The following GXYLT1 variants were observed in gnomAD, a reference collection of about 807,000 sequenced individuals.
GXYLT1 encodes glucoside xylosyltransferase 1, also known as glycosyltransferase 8 domain containing 3.
In GXYLT1, 29 loss-of-function variants were observed where a neutral mutation model predicts 54.0. The observed-to-expected ratio is 0.54, with a 90% CI of 0.40 to 0.73. The LOEUF (loss-of-function observed/expected upper bound fraction) is 0.73, where lower values mean the gene tolerates loss of function less well. GXYLT1 is among the 30% of genes least tolerant of loss of function. The pLI, the probability that GXYLT1 is intolerant of heterozygous loss-of-function variation, is 0.00. For missense variants in GXYLT1, 490 were observed against 553.4 expected, an observed-to-expected ratio of 0.89 and a Z score of 1.15; for synonymous variants, 176 against 204.1, an observed-to-expected ratio of 0.86 and a Z score of 1.17.
intron 7 of GXYLT1, among the ~76,000 whole-genome samples, chr12:42,092,746 G>A (rs1367471012): frequency 1.3e-5 from 2 of 151,866 alleles, no homozygotes; most frequent in African/African-American, 2.4e-5. Flanking sequence ...AAAACCTGTA[G>A]CAAAAAAAAC....
At chr12:42,103,324 TAAG>T (rs1282261909) in intron 5 of GXYLT1, among the ~76,000 whole-genome samples, 25 of 152,304 alleles carry the variant, frequency 1.6e-4, no homozygotes, top group African/African-American at 6.0e-4. Flanking sequence ...CCACAAGTAG[TAAG>T]AACCAGGTGA....
intron 1 of GXYLT1, among the ~76,000 whole-genome samples, chr12:42,130,642 TATACACACATGC>T (rs371625165): frequency 1.4e-4 from 22 of 152,268 alleles, no homozygotes; most frequent in Middle Eastern, 3.4e-3. Flanking sequence ...TATACATACA[TATACACACATGC>T]ATACACACAT....
intron 1 of GXYLT1, among the ~76,000 whole-genome samples, chr12:42,139,203 TAAAAAA>T (rs376475516): frequency 2.1e-5 from 3 of 143,192 alleles, no homozygotes; most frequent in Non-Finnish European, 4.6e-5. Flanking sequence ...GTCTCAGAAA[TAAAAAA>T]AAAAAGATTT....
intron 4 of GXYLT1, among the ~76,000 whole-genome samples, chr12:42,107,464 G>GC (rs2065427850): frequency 6.6e-6 from 1 of 152,188 alleles, no homozygotes; most frequent in Non-Finnish European, 1.5e-5. Flanking sequence ...GCTGAGGCGG[G>GC]CAGATCACCT....
intron 7 of GXYLT1, among the ~76,000 whole-genome samples, chr12:42,088,658 A>G (rs1033507865): frequency 1.3e-5 from 2 of 152,226 alleles, no homozygotes; most frequent in Non-Finnish European, 2.9e-5. Flanking sequence ...CTGTGGTAGT[A>G]AAGTGGAAAT....
chr12:42,122,341 G>A lies in GXYLT1; in HGVS notation c.315-3170C>T, dbSNP rs1337285357. Reference sequence around the variant, plus strand: ...ACGGTGGCTCACACCTGTAATCCCAGCACTTTGGGAGGCCGAGGTGGGTGA... The same window carrying A: ...ACGGTGGCTCACACCTGTAATCCCAACACTTTGGGAGGCCGAGGTGGGTGA... On this transcript the variant is annotated intron_variant, in intron 2 of 7. Coordinates refer to ENST00000398675, the MANE Select transcript of GXYLT1 (RefSeq NM_173601.2). 8.5e-5 allele frequency among the ~76,000 whole-genome samples: 13 copies of A among 152,358 alleles called. No individual in the cohort carries two copies. In the East Asian group the frequency reaches 2.3e-3, roughly 27 times the overall value.
At chr12:42,122,354 C>G (rs947494419) in intron 2 of GXYLT1, among the ~76,000 whole-genome samples, 1 of 152,124 alleles carries the variant, frequency 6.6e-6, no homozygotes, top group African/African-American at 2.4e-5. Flanking sequence ...CTTTGGGAGG[C>G]CGAGGTGGGT....
chr12:42,105,381 G>A (rs2065413210), intron 5 of GXYLT1, among the ~76,000 whole-genome samples: 1 of 152,148 alleles, frequency 6.6e-6, no homozygotes, highest in South Asian at 2.1e-4. Flanking sequence ...AAAGTCCCAA[G>A]ACATTGGTAG....
chr12:42,087,789 C>T lies in GXYLT1; in HGVS notation c.1320G>A (p.Lys440=). The T allele has an allele frequency of 6.3e-7, 1 of 1,596,268 alleles. No individual in the cohort carries two copies. The highest frequency in any genetic ancestry group is 1.1e-5 in the South Asian group (1 of 88,336). ...RDRYARSPKE[K] ...TTGATTAAGCAGTCACCAAGAATCA[C>T]TTTTCCTTTGGTGATCTGGCATAAC... The change falls in exon 8 of 8, where the codon AAG becomes AAA. Residue 440 remains lysine, a synonymous_variant. Coordinates refer to ENST00000398675, the MANE Select transcript of GXYLT1 (RefSeq NM_173601.2).
At chr12:42,109,432 C>A in intron 4 of GXYLT1, 134 bp downstream of exon 4, 1 of 547,244 alleles carries the variant, frequency 1.8e-6, no homozygotes. Context: ...GAAGATAGTA[C>A]ATGCATTGAT....
chr12:42,144,374 G>T (rs1005425400), intron 1 of GXYLT1, 52 bp downstream of exon 1: 5 of 1,240,324 alleles, frequency 4.0e-6, no homozygotes, highest in Non-Finnish European at 5.2e-6. Flanking sequence ...GGCCGAGCCC[G>T]CGCCCAGCGC....
Position 42,092,567 on chromosome 12 carries a change from G to A in GXYLT1, c.1162-4620C>T, listed in dbSNP as rs1395841931. ...AATCCACCCCAATTACATAAAAGGG[G>A]ACTAATAAGAACAAGAAGAAAAGAG... On this transcript the variant is annotated intron_variant, in intron 7 of 7. Coordinates refer to ENST00000398675, the MANE Select transcript of GXYLT1 (RefSeq NM_173601.2). 2.0e-5 allele frequency among the ~76,000 whole-genome samples: 3 copies of A among 152,164 alleles called. No homozygotes were observed. The South Asian group carries it at 6.2e-4, about 32-fold the overall frequency.
In GXYLT1 at chr12:42,105,948, G is replaced by A. The variant is rs775561816; in HGVS notation, c.734C>T (p.Ala245Val). Residue 245 changes from alanine to valine, a missense_variant, in exon 5 of 8, where the codon GCA becomes GTA. Coordinates refer to ENST00000398675, the MANE Select transcript of GXYLT1 (RefSeq NM_173601.2). Reference sequence around the variant, plus strand: ...TATTCGAGGTTCCTCATGTTCTGGTGCCATTGCAGCAATTTGTGTGGAATT... The same window carrying A: ...TATTCGAGGTTCCTCATGTTCTGGTACCATTGCAGCAATTTGTGTGGAATT... ...KFNSTQIAAMAPEHEEPRIGW... is the reference protein window; with the variant it reads ...KFNSTQIAAMVPEHEEPRIGW... 1.2e-6 allele frequency: 2 copies of A among 1,614,112 alleles called. No individual in the cohort carries two copies. The highest frequency in any genetic ancestry group is 1.7e-6 in the Non-Finnish European group (2 of 1,179,972).
chr12:42,144,407 C>A lies in GXYLT1; in HGVS notation c.221+19G>T. ...CGCCCCGCGCCCGCCGCGTCCCCCA[C>A]ACCGGGAACTGCCCGTACCTGTCCG... On this transcript the variant is annotated intron_variant, in intron 1 of 7. Transcript: ENST00000398675. The A allele has an allele frequency of 7.3e-7, 1 of 1,367,968 alleles. No homozygotes were observed. The allele number at this position is 1,367,968 out of a possible 1,614,324, so 84.7% of individuals were successfully genotyped here. A position where few individuals can be genotyped will look rare whatever the true frequency, so the allele number is the denominator to read the frequency against.
intron 7 of GXYLT1, among the ~76,000 whole-genome samples, chr12:42,088,550 A>G (rs2065310724): frequency 1.3e-5 from 2 of 152,174 alleles, no homozygotes; most frequent in Admixed American, 6.5e-5. Flanking sequence ...AAATCTGTTG[A>G]GTGTTGTCTG....
chr12:42,103,831 T>C (rs1397202326), intron 5 of GXYLT1, among the ~76,000 whole-genome samples: 3 of 151,882 alleles, frequency 2.0e-5, no homozygotes, highest in Non-Finnish European at 4.4e-5. Flanking sequence ...GTTTAGAAAT[T>C]ATTCCAACTC....
intron 2 of GXYLT1, among the ~76,000 whole-genome samples, chr12:42,122,080 C>T (rs1315723664): frequency 3.9e-5 from 6 of 152,234 alleles, no homozygotes; most frequent in Middle Eastern, 6.8e-3. Flanking sequence ...ATCTTTCTTT[C>T]GGTCACAATA....
chr12:42,100,260 C>T (rs2065382187), intron 5 of GXYLT1, among the ~76,000 whole-genome samples: 1 of 151,996 alleles, frequency 6.6e-6, no homozygotes, highest in Non-Finnish European at 1.5e-5. Context: ...ACATAGTGTG[C>T]TACTATGTAA....
chr12:42,113,156 G>T (rs1054012655), intron 3 of GXYLT1, among the ~76,000 whole-genome samples: 1 of 150,982 alleles, frequency 6.6e-6, no homozygotes, highest in African/African-American at 2.5e-5. Flanking sequence ...AGGAACAACC[G>T]GTACCAGCCA....
Sources: allele counts gnomAD v4.1 joint callset (sites outside exome capture counted in the v4.1 genomes callset), GRCh38; gene constraint gnomAD v4.1.1; transcripts MANE v1.5; gene names NCBI Gene and HGNC (gene_info 2026-07-23, HGNC 2026-07-21).